The following CCDC102B variants were observed in gnomAD, a reference collection of about 807,000 sequenced individuals.
CCDC102B encodes the protein coiled-coil domain containing 102B, also known as coiled-coil domain-containing protein 102B.
A neutral mutation model predicts 57.4 loss-of-function variants in CCDC102B; 75 were observed. That is an observed-to-expected ratio of 1.31 (90% CI 1.08 to 1.58). The LOEUF (loss-of-function observed/expected upper bound fraction) is 1.58, where lower values mean the gene tolerates loss of function less well. Among genes scored for constraint, CCDC102B ranks in the 40% most tolerant of loss-of-function variants. The probability of loss-of-function intolerance (pLI) is 0.00; values close to 1 mark genes in which losing one functional copy is unlikely to be tolerated. For synonymous variants in CCDC102B, 206 were observed against 201.9 expected, an observed-to-expected ratio of 1.02 and a Z score of -0.17; for missense variants, 636 against 582.6, an observed-to-expected ratio of 1.09 and a Z score of -0.94.
intron 6 of CCDC102B, among the ~76,000 whole-genome samples, chr18:68,983,940 C>A (rs903361742): frequency 6.6e-6 from 1 of 151,478 alleles, no homozygotes; most frequent in African/African-American, 2.4e-5. Context: ...ATAACAAAAC[C>A]AATATAACAT....
chr18:68,775,066 A>T (rs1035671166), intron 2 of CCDC102B, among the ~76,000 whole-genome samples: 4 of 150,650 alleles, frequency 2.7e-5, no homozygotes, highest in Non-Finnish European at 4.4e-5. Flanking sequence ...TGTATTCTAG[A>T]CATCACTTTA....
intron 1 of CCDC102B, among the ~76,000 whole-genome samples, chr18:68,816,182 T>C (rs1218744959): frequency 1.3e-5 from 2 of 152,296 alleles, no homozygotes; most frequent in East Asian, 3.9e-4. Flanking sequence ...TGAACATTGG[T>C]TTTAGACTCT....
intron 2 of CCDC102B, among the ~76,000 whole-genome samples, chr18:68,736,478 G>A (rs937828185): frequency 6.6e-6 from 1 of 152,146 alleles, no homozygotes; most frequent in East Asian, 1.9e-4. Context: ...CATTATTAAT[G>A]TTGTTGCCTT....
intron 2 of CCDC102B, among the ~76,000 whole-genome samples, chr18:68,790,189 T>G (rs1568251514): frequency 6.6e-6 from 1 of 151,272 alleles, no homozygotes. Flanking sequence ...CTGCCCATTC[T>G]CAGATCTCCA....
chr18:68,769,516 C>T (rs1289304245), intron 2 of CCDC102B, among the ~76,000 whole-genome samples: 1 of 152,086 alleles, frequency 6.6e-6, no homozygotes, highest in Non-Finnish European at 1.5e-5. Context: ...TTTTCTCCAA[C>T]CCTACGGTTC....
intron 6 of CCDC102B, among the ~76,000 whole-genome samples, chr18:68,926,977 A>G (rs956904946): frequency 6.6e-6 from 1 of 152,020 alleles, no homozygotes. Context: ...TACAAGTCAG[A>G]TAATATTCTT....
chr18:68,758,193 GAC>G (rs2034121720), intron 2 of CCDC102B, among the ~76,000 whole-genome samples: 1 of 103,502 alleles, frequency 9.7e-6, no homozygotes, highest in Admixed American at 1.1e-4. Context: ...TATACATGTA[GAC>G]ATGTGTGTTG....
chr18:68,897,975 A>T (rs777110427), intron 6 of CCDC102B, among the ~76,000 whole-genome samples: 1 of 152,066 alleles, frequency 6.6e-6, no homozygotes, highest in Non-Finnish European at 1.5e-5. Context: ...AACCAGGATA[A>T]CATTCAGAAT....
chr18:69,043,427 G>C (rs1418889219), intron 7 of CCDC102B, among the ~76,000 whole-genome samples: 1 of 152,010 alleles, frequency 6.6e-6, no homozygotes, highest in Non-Finnish European at 1.5e-5. Context: ...GGGACGGTCA[G>C]GTCTTTCCCT....
intron 2 of CCDC102B, among the ~76,000 whole-genome samples, chr18:68,730,087 A>T (rs1199690266): frequency 6.6e-6 from 1 of 152,186 alleles, no homozygotes; most frequent in African/African-American, 2.4e-5. Flanking sequence ...GGGAATCCTT[A>T]ATGCACTGTT....
intron 5 of CCDC102B, among the ~76,000 whole-genome samples, chr18:68,878,685 G>C (rs529619926): frequency 6.6e-6 from 1 of 152,138 alleles, no homozygotes; most frequent in Non-Finnish European, 1.5e-5. Flanking sequence ...CTTAAGCTTG[G>C]ATTCCAGGCT....
chr18:68,975,769 T>C (rs1438957293), intron 6 of CCDC102B, among the ~76,000 whole-genome samples: 1 of 151,846 alleles, frequency 6.6e-6, no homozygotes, highest in Non-Finnish European at 1.5e-5. Flanking sequence ...ATTTCATTCA[T>C]TCACTAATTC....
intron 1 of CCDC102B, among the ~76,000 whole-genome samples, chr18:68,817,128 T>C (rs1464557973): frequency 6.6e-6 from 1 of 152,266 alleles, no homozygotes; most frequent in Non-Finnish European, 1.5e-5. Context: ...CATTTTTATA[T>C]TTTATTTCAA....
exon 1 of CCDC102B, chr18:68,715,271 G>A (rs1055117224): frequency 1.7e-5 from 22 of 1,300,386 alleles, no homozygotes; most frequent in Admixed American, 3.8e-5. Context: ...TGGGAACCCT[G>A]CTTAAGGGCT....
At chr18:68,918,892 G>T (rs1013622779) in intron 6 of CCDC102B, among the ~76,000 whole-genome samples, 1 of 151,998 alleles carries the variant, frequency 6.6e-6, no homozygotes, top group African/African-American at 2.4e-5. Context: ...CCAGAGAATT[G>T]ATGTCTTATT....
At chr18:68,751,695 G>A (rs2033857248) in intron 2 of CCDC102B, among the ~76,000 whole-genome samples, 1 of 152,074 alleles carries the variant, frequency 6.6e-6, no homozygotes, top group African/African-American at 2.4e-5. Context: ...ATACATTTTA[G>A]CAAGTAGGTG....
At chr18:68,745,148 TC>T (rs1290574714) in intron 2 of CCDC102B, among the ~76,000 whole-genome samples, 1 of 152,050 alleles carries the variant, frequency 6.6e-6, no homozygotes, top group African/African-American at 2.4e-5. Context: ...GTGATGGACT[TC>T]TTGTAATTTG....
At chr18:68,868,861 G>A (rs1321977348) in intron 4 of CCDC102B, among the ~76,000 whole-genome samples, 2 of 152,144 alleles carry the variant, frequency 1.3e-5, no homozygotes, top group African/African-American at 4.8e-5. Context: ...AAACTGTTAT[G>A]AGCCTGTTAT....
intron 2 of CCDC102B, among the ~76,000 whole-genome samples, chr18:68,790,530 G>C (rs895021439): frequency 2.6e-5 from 4 of 152,132 alleles, no homozygotes; most frequent in East Asian, 3.9e-4. Flanking sequence ...ATAATCTCGT[G>C]GTGCGCCGTT....
Sources: gnomAD v4.1 joint callset for allele counts (sites outside exome capture counted in the v4.1 genomes callset) on GRCh38, gnomAD v4.1.1 for gene constraint, MANE v1.5 for transcripts, NCBI Gene and HGNC (gene_info 2026-07-23, HGNC 2026-07-21) for gene names.